Variants in C2 observed in about 807,000 individuals in gnomAD.
C2 encodes C3/C5 convertase.
Under a neutral mutation model 85.2 loss-of-function variants are expected in C2, and 64 were observed. The observed-to-expected ratio is 0.75, with a 90% CI of 0.61 to 0.92. The LOEUF is 0.92. Among genes scored for constraint, C2 ranks in the 40% least tolerant of loss-of-function variants. The pLI is 0.00. For missense variants in C2, 820 were observed against 971.6 expected (o/e 0.84, Z 2.07); for synonymous variants, 311 against 370.8 (o/e 0.84, Z 1.85).
chr6:31,901,158 T>C, intron 1 of C2: 1 of 1,613,806 alleles, frequency 6.2e-7, no homozygotes, highest in Admixed American at 1.7e-5. Flanking sequence ...GCGGCCAAGA[T>C]GACCTTGTGG....
intron 1 of C2, among the ~76,000 whole-genome samples, chr6:31,909,906 C>T (rs1013249749): frequency 6.6e-6 from 1 of 151,076 alleles, no homozygotes; most frequent in Non-Finnish European, 1.5e-5. Flanking sequence ...TTTGAGACAG[C>T]GTCTCACTCT....
chr6:31,928,070 C>A lies in C2; in HGVS notation c.162C>A (p.Gly54=). 1 of 1,614,126 alleles carries A rather than the reference C, an allele frequency of 6.2e-7. No individual in the cohort carries two copies. The highest frequency in any genetic ancestry group is 8.5e-7 in the Non-Finnish European group (1 of 1,180,006). The change falls in exon 2 of 18, where the codon GGC becomes GGA. Residue 54 remains glycine, a synonymous_variant. Coordinates refer to ENST00000299367, the MANE Select transcript of C2 (RefSeq NM_000063.6). ...GSLLTYSCPQ[G]LYPSPASRLC... ...TTCTCACCTACTCCTGCCCCCAGGG[C>A]CTGTACCCATCCCCAGCATCACGGC...
chr6:31,934,612 A>G (rs2151755625), intron 6 of C2: 1 of 1,394,550 alleles, frequency 7.2e-7, no homozygotes, highest in Non-Finnish European at 9.3e-7. Context: ...ACAGGAGTGA[A>G]GCAGAAAAAT....
upstream of C2, among the ~76,000 whole-genome samples, chr6:31,899,160 A>G (rs967589320): frequency 1.7e-4 from 26 of 148,792 alleles, no homozygotes; most frequent in African/African-American, 5.0e-4. Context: ...CCTAAAAAAT[A>G]TGTTTTTTCT....
rs545902574 is a variant in C2 at position 31,914,826 on chromosome 6, T to C, written c.73+13687T>C. Among the ~76,000 whole-genome samples, 98 of 151,888 alleles carry C rather than the reference T, an allele frequency of 6.5e-4. 1 individual carries two copies. In the East Asian group the frequency reaches 0.018, roughly 28 times the overall value. On this transcript the variant is annotated intron_variant, in intron 1 of 3. Transcript: ENST00000452202. ...TACTTGGGAGGCTGAGGCAGGAGAA[T>C]GGCGTGAACCCGGGAGGCGGAGCTT... is the stretch of plus-strand genomic sequence containing the variant.
upstream of C2, among the ~76,000 whole-genome samples, chr6:31,916,120 G>A (rs1305430040): frequency 6.6e-6 from 1 of 152,184 alleles, no homozygotes; most frequent in Non-Finnish European, 1.5e-5. Context: ...AGAGGAGGAT[G>A]GAAAGGGATG....
rs747697695 is a variant in C2, at chr6:31,937,417, G to A, written c.1087G>A (p.Ala363Thr). ...QMRLLGMETMAWQEIRHAIIL... is the reference protein window; with the variant it reads ...QMRLLGMETMTWQEIRHAIIL... ...GCGACTCCTCGGCATGGAAACGATG[G>A]CCTGGCAGGAAATCCGACATGCCAT... is the stretch of plus-strand genomic sequence containing the variant. The change falls in exon 8 of 18, where the codon GCC becomes ACC. Residue 363 changes from alanine (A) to threonine (T), a missense_variant. Transcript: ENST00000299367. 2.2e-5 allele frequency: 36 copies of A among 1,612,612 alleles called. No individual in the cohort carries two copies. Among genetic ancestry groups the A allele is most frequent in the Non-Finnish European group, 3.0e-5 (35 of 1,179,992 alleles).
intron 1 of C2, among the ~76,000 whole-genome samples, chr6:31,902,507 G>C (rs1356691043): frequency 3.3e-5 from 5 of 152,202 alleles, no homozygotes; most frequent in Admixed American, 3.3e-4. Flanking sequence ...GTGCATCCGT[G>C]GCACCTCTCA....
chr6:31,937,240 G>A lies in C2; in HGVS notation c.989-79G>A, dbSNP rs1212479270. 5 of 1,404,696 alleles carry A rather than the reference G, an allele frequency of 3.6e-6. No individual in the cohort carries two copies. In the Admixed American group the frequency reaches 7.0e-5, roughly 20 times the overall value. The allele number at this position is 1,404,696 out of a possible 1,614,324, so 87.0% of individuals were successfully genotyped here. ...AAAAAAAATTGCATTTCCAATAATT[G>A]GGGGAATAGAGTGATTCCCTACCCC... On this transcript the variant is annotated intron_variant, in intron 7 of 17. Coordinates refer to ENST00000299367, the MANE Select transcript of C2 (RefSeq NM_000063.6).
chr6:31,915,509 G>A (rs890417936), upstream of C2, among the ~76,000 whole-genome samples: 2 of 152,168 alleles, frequency 1.3e-5, no homozygotes, highest in Non-Finnish European at 2.9e-5. Flanking sequence ...ATCTCAGCTT[G>A]TATCAGTCAG....
chr6:31,942,402 G>T (rs1022498326), intron 9 of C2, among the ~76,000 whole-genome samples: 93 of 150,958 alleles, frequency 6.2e-4, no homozygotes, highest in African/African-American at 2.3e-3. Flanking sequence ...TCTTTCTGGG[G>T]GACACAATTC....
In C2 at chr6:31,944,565, GAGA is replaced by G. The variant is rs1771192507; in HGVS notation, c.1903-161_1903-159del. Among the ~76,000 whole-genome samples the G allele has an allele frequency of 2.6e-5, 4 of 152,146 alleles. No individual in the cohort carries two copies. Among genetic ancestry groups the G allele is most frequent in the African/African-American group, 4.8e-5 (2 of 41,420 alleles). Reference sequence around the variant, plus strand: ...CCAGCTAATTTTTGTATTTTTAGTAGAGACGGGATTTCGCCATGTTGGCCAGGA... The same window carrying G: ...CCAGCTAATTTTTGTATTTTTAGTAGCGGGATTTCGCCATGTTGGCCAGGA... On this transcript the variant is annotated intron_variant, in intron 15 of 17. Transcript: ENST00000299367. This position sits in a 1 kb window ranked among gnomAD's most constrained non-coding sequence, Gnocchi z 5.1.
At chr6:31,934,323 C>T in intron 6 of C2, 24 bp downstream of exon 6, 1 of 1,613,822 alleles carries the variant, frequency 6.2e-7, no homozygotes, top group Non-Finnish European at 8.5e-7. Context: ...AGTCTGCCTG[C>T]AGCAGAGGCC....
chr6:31,899,213 C>A (rs922268456), upstream of C2, among the ~76,000 whole-genome samples: 8 of 151,364 alleles, frequency 5.3e-5, no homozygotes, highest in African/African-American at 1.9e-4. Context: ...TCCCTCCCAA[C>A]AGCCCTTCTT....
chr6:31,934,767 T>C lies in C2; in HGVS notation c.849+468T>C, dbSNP rs575437820. 57 of 883,838 alleles carry C rather than the reference T, an allele frequency of 6.4e-5. 1 individual carries two copies. Among genetic ancestry groups the C allele is most frequent in the Non-Finnish European group, 4.2e-6 (3 of 719,186 alleles). The allele number at this position is 883,838 out of a possible 1,614,324, so 54.7% of individuals were successfully genotyped here. A position where few individuals can be genotyped will look rare whatever the true frequency, so the allele number is the denominator to read the frequency against. ...GCTAGTGCCTGTAATCCCAACACTTTGGGAGGCCGAGGCAGGTGGATCACT... is the reference window on the plus strand; with the variant it reads ...GCTAGTGCCTGTAATCCCAACACTTCGGGAGGCCGAGGCAGGTGGATCACT... On this transcript the variant is annotated intron_variant, in intron 6 of 17. Coordinates refer to ENST00000299367, the MANE Select transcript of C2 (RefSeq NM_000063.6).
chr6:31,909,990 C>T (rs1767983493), intron 1 of C2, among the ~76,000 whole-genome samples: 1 of 151,578 alleles, frequency 6.6e-6, no homozygotes. Flanking sequence ...AAGGGATTCT[C>T]CTGCCTCAGC....
At chr6:31,940,273 C>T (rs903483021) in intron 9 of C2, among the ~76,000 whole-genome samples, 7 of 152,300 alleles carry the variant, frequency 4.6e-5, no homozygotes, top group Admixed American at 2.0e-4. Context: ...AAATGCCCAG[C>T]ATATGTTAGC....
chr6:31,903,897 C>T (rs1034964108), intron 1 of C2, among the ~76,000 whole-genome samples: 8 of 151,952 alleles, frequency 5.3e-5, no homozygotes, highest in Non-Finnish European at 7.4e-5. Context: ...CTAAACTGCT[C>T]TCTTTGTATT....
At chr6:31,901,952 C>G (rs1487772536) in intron 1 of C2, 1 of 146,192 alleles carries the variant, frequency 6.8e-6, no homozygotes, top group Non-Finnish European at 1.5e-5. Flanking sequence ...CGCGGGGATG[C>G]ACGGGACGCG....
Sources: gnomAD v4.1 joint callset for allele counts (sites outside exome capture counted in the v4.1 genomes callset) on GRCh38, gnomAD v4.1.1 for gene constraint, Gnocchi (gnomAD v3.1) non-coding constraint, MANE v1.5 for transcripts, NCBI Gene and HGNC (gene_info 2026-07-23, HGNC 2026-07-21) for gene names.